Variants in LMF1 observed in about 807,000 individuals in gnomAD.
The protein encoded by LMF1 is lipase maturation factor 1.
Under a neutral mutation model 60.6 loss-of-function variants are expected in LMF1, and 68 were observed. The ratio of observed to expected loss-of-function variants is 1.12; its 90% CI spans 0.92 to 1.37. LMF1 has a LOEUF of 1.37. LMF1 is among the 40% of genes most tolerant of loss of function. The pLI, the probability that LMF1 is intolerant of heterozygous loss-of-function variation, is 0.00. For synonymous variants in LMF1, 418 were observed against 324.7 expected, an observed-to-expected ratio of 1.29 and a Z score of -3.09; for missense variants, 948 against 767.2, an observed-to-expected ratio of 1.24 and a Z score of -2.78.
chr16:945,834 T>C (rs7202045), intron 2 of LMF1, among the ~76,000 whole-genome samples: 74,826 of 151,982 alleles, frequency 0.49, 20,706 homozygotes, highest in African/African-American at 0.75. Flanking sequence ...TCACGGTTCA[T>C]ACACCACAGC....
Position 948,273 on chromosome 16 carries a change from C to T in LMF1, c.503+6084G>A, listed in dbSNP as rs1261102339. On this transcript the variant is annotated intron_variant, in intron 2 of 10. Coordinates refer to ENST00000262301, the MANE Select transcript of LMF1 (RefSeq NM_022773.4). Reference sequence around the variant, plus strand: ...TGACAGAGTCAGCCAACGACAGAGTCAGCCAACGACAGAGTCAGAGCCAAC... The same window carrying T: ...TGACAGAGTCAGCCAACGACAGAGTTAGCCAACGACAGAGTCAGAGCCAAC... 2.7e-5 allele frequency among the ~76,000 whole-genome samples: 4 copies of T among 150,042 alleles called. No individual in the cohort carries two copies. In the South Asian group the frequency reaches 8.5e-4, roughly 32 times the overall value.
intron 5 of LMF1, among the ~76,000 whole-genome samples, chr16:882,540 C>T (rs2070189499): frequency 6.6e-6 from 1 of 152,260 alleles, no homozygotes; most frequent in Admixed American, 6.5e-5. Flanking sequence ...GCCTAGCTAT[C>T]AGCTCGTGAA....
chr16:976,089 C>CT (rs1181674218), intron 1 of LMF1: 8 of 370,796 alleles, frequency 2.2e-5, no homozygotes, highest in Non-Finnish European at 4.0e-5. Context: ...GGTACAAACG[C>CT]TGATTTTTCT....
At chr16:855,529 C>G (rs1298715825) in intron 10 of LMF1, 1 of 364,082 alleles carries the variant, frequency 2.7e-6, no homozygotes, top group African/African-American at 2.1e-5. Flanking sequence ...TCCAGGGTTG[C>G]TCGGCTGCCC....
Position 967,281 on chromosome 16 carries a change from T to C in LMF1, c.193+3507A>G, listed in dbSNP as rs561104294. Among the ~76,000 whole-genome samples, 18 of 152,278 alleles carry C rather than the reference T, an allele frequency of 1.2e-4. No individual in the cohort carries two copies. In the South Asian group the frequency reaches 2.7e-3, roughly 23 times the overall value. Reference sequence around the variant, plus strand: ...CCACACACGCCCCCGTACTGCAGGGTTGACCAGTGAGGGCCTCAATCTTCC... The same window carrying C: ...CCACACACGCCCCCGTACTGCAGGGCTGACCAGTGAGGGCCTCAATCTTCC... On this transcript the variant is annotated intron_variant, in intron 1 of 10. Transcript: ENST00000262301.
At chr16:937,845 TAG>T (rs1201532712) in intron 2 of LMF1, among the ~76,000 whole-genome samples, 17 of 152,198 alleles carry the variant, frequency 1.1e-4, no homozygotes, top group African/African-American at 3.9e-4. Flanking sequence ...GAGGCCTATC[TAG>T]AGTGTGTAGT....
chr16:867,048 G>C (rs573590798), intron 10 of LMF1, among the ~76,000 whole-genome samples: 1 of 152,300 alleles, frequency 6.6e-6, no homozygotes, highest in African/African-American at 2.4e-5. Context: ...TTTTAAAGTC[G>C]ATGATGAACT....
chr16:937,593 G>A (rs1337587658), intron 2 of LMF1, among the ~76,000 whole-genome samples: 1 of 152,148 alleles, frequency 6.6e-6, no homozygotes, highest in Admixed American at 6.5e-5. Flanking sequence ...CAAGACCCCC[G>A]ATGCCCTGCA....
rs1235233541 is a variant in LMF1 at position 955,077 on chromosome 16, C to T, written c.194-411G>A. On this transcript the variant is annotated intron_variant, in intron 1 of 10. Transcript: ENST00000262301. Reference sequence around the variant, plus strand: ...TAAACTAGACACGTTACATAAAATGCGTGCCCGCAGCAGACGCGGTGTGTG... The same window carrying T: ...TAAACTAGACACGTTACATAAAATGTGTGCCCGCAGCAGACGCGGTGTGTG... Among the ~76,000 whole-genome samples, 388 of 151,052 alleles carry T rather than the reference C, an allele frequency of 2.6e-3. 29 individuals carry two copies. The highest frequency in any genetic ancestry group is 3.3e-3 in the African/African-American group (138 of 41,212).
In LMF1 at chr16:955,867, A is replaced by G. The variant is rs979754426; in HGVS notation, c.194-1201T>C. On this transcript the variant is annotated intron_variant, in intron 1 of 10. Coordinates refer to ENST00000262301, the MANE Select transcript of LMF1 (RefSeq NM_022773.4). Reference sequence around the variant, plus strand: ...CCCAGCACACGCTGCAGGGCTTGACACTTACTGCCTATAGGTGAGCCACAC... The same window carrying G: ...CCCAGCACACGCTGCAGGGCTTGACGCTTACTGCCTATAGGTGAGCCACAC... 5.3e-5 allele frequency among the ~76,000 whole-genome samples: 8 copies of G among 152,028 alleles called. No individual in the cohort carries two copies. In the South Asian group the frequency reaches 1.7e-3, roughly 32 times the overall value.
At chr16:870,998 G>C (rs1274217135) in intron 7 of LMF1, 116 bp from the exon 8 acceptor site, 7 of 1,428,174 alleles carry the variant, frequency 4.9e-6, no homozygotes, top group South Asian at 1.4e-5. Flanking sequence ...CGGGGACGGA[G>C]CAGCACCCGA....
At chr16:930,741 C>T (rs556174240) in intron 3 of LMF1, among the ~76,000 whole-genome samples, 2 of 152,326 alleles carry the variant, frequency 1.3e-5, no homozygotes, top group South Asian at 2.1e-4. Context: ...GAGCCCACGC[C>T]GAGCCACGAG....
At chr16:979,633 G>A (rs2073282338) in intron 1 of LMF1, 1 of 453,986 alleles carries the variant, frequency 2.2e-6, no homozygotes, top group Non-Finnish European at 4.4e-6. Context: ...TTCCTTGGTG[G>A]ATGGGGAGCC....
At chr16:909,338 T>C (rs1208607641) in intron 4 of LMF1, among the ~76,000 whole-genome samples, 2 of 152,008 alleles carry the variant, frequency 1.3e-5, no homozygotes, top group African/African-American at 2.4e-5. Flanking sequence ...TGCCCAGACA[T>C]GGACGTTACG....
At chr16:914,327 G>C (rs147559217) in intron 3 of LMF1, among the ~76,000 whole-genome samples, 9 of 152,232 alleles carry the variant, frequency 5.9e-5, no homozygotes, top group Non-Finnish European at 1.3e-4. Context: ...ACCCAAATGG[G>C]GAGAAGGCTG....
chr16:970,674 G>A (rs2073024232), intron 1 of LMF1, 114 bp downstream of exon 1: 3 of 975,860 alleles, frequency 3.1e-6, no homozygotes, highest in East Asian at 6.4e-5. Context: ...AGGAAGGAGG[G>A]CTGCGTGGGG....
chr16:917,297 G>A lies in LMF1; in HGVS notation c.515-6218C>T, dbSNP rs190536115. Among the ~76,000 whole-genome samples, 139 of 108,078 alleles carry A rather than the reference G, an allele frequency of 1.3e-3. 3 individuals carry two copies. The highest frequency in any genetic ancestry group is 5.8e-3 in the African/African-American group (127 of 21,770). The allele number at this position is 108,078 out of a possible 152,430, so 70.9% of individuals were successfully genotyped here. A position where few individuals can be genotyped will look rare whatever the true frequency, so the allele number is the denominator to read the frequency against. Reference sequence around the variant, plus strand: ...AAGAAATGCCACACGTGTGCACTGCGGGCGGGCACAGGCCCACGTGAAGAA... The same window carrying A: ...AAGAAATGCCACACGTGTGCACTGCAGGCGGGCACAGGCCCACGTGAAGAA... On this transcript the variant is annotated intron_variant, in intron 3 of 10. Coordinates refer to ENST00000262301, the MANE Select transcript of LMF1 (RefSeq NM_022773.4).
intron 2 of LMF1, among the ~76,000 whole-genome samples, chr16:941,673 C>T (rs1410024094): frequency 6.6e-6 from 1 of 152,194 alleles, no homozygotes; most frequent in African/African-American, 2.4e-5. Context: ...TGGAAGCAAA[C>T]ATGTTTAACA....
chr16:926,986 G>A (rs1011676653), intron 3 of LMF1, among the ~76,000 whole-genome samples: 2 of 152,228 alleles, frequency 1.3e-5, no homozygotes, highest in African/African-American at 4.8e-5. Context: ...CACTCCTGGA[G>A]CCAAGAAACA....
Sources: allele counts gnomAD v4.1 joint callset (sites outside exome capture counted in the v4.1 genomes callset), GRCh38; gene constraint gnomAD v4.1.1; transcripts MANE v1.5; gene names NCBI Gene and HGNC (gene_info 2026-07-23, HGNC 2026-07-21).